BRINP2: variants seen among roughly 807,000 people sequenced by gnomAD.
BRINP2 encodes the protein BMP/retinoic acid-inducible neural-specific protein 2.
BRINP2 carries 21 observed loss-of-function variants against 69.2 expected under a neutral mutation model. The ratio of observed to expected loss-of-function variants is 0.30; its 90% confidence interval spans 0.22 to 0.44. The LOEUF (loss-of-function observed/expected upper bound fraction) is 0.44, where lower values mean the gene tolerates loss of function less well. BRINP2 is among the 20% of genes least tolerant of loss of function. The pLI is 1.00. For missense variants in BRINP2, 877 were observed against 986.0 expected (o/e 0.89, Z 1.48); for synonymous variants, 380 against 394.1 (o/e 0.96, Z 0.42).
intron 1 of BRINP2, among the ~76,000 whole-genome samples, chr1:177,198,123 A>G (rs1558155917): frequency 6.6e-6 from 1 of 152,208 alleles, no homozygotes; most frequent in Non-Finnish European, 1.5e-5. Context: ...CTAAGGTCAT[A>G]AAAGTTTGAG....
intron 1 of BRINP2, among the ~76,000 whole-genome samples, chr1:177,204,294 C>T (rs944378771): frequency 1.3e-5 from 2 of 151,956 alleles, no homozygotes; most frequent in Admixed American, 1.3e-4. Context: ...AGGAGAGGGC[C>T]TAGGGTGGAG....
intron 1 of BRINP2, among the ~76,000 whole-genome samples, chr1:177,209,517 G>A (rs1264502315): frequency 6.6e-6 from 1 of 152,194 alleles, no homozygotes; most frequent in Non-Finnish European, 1.5e-5. Context: ...CTGGCAGAGA[G>A]TCAAGAATGG....
intron 4 of BRINP2, among the ~76,000 whole-genome samples, chr1:177,270,077 A>C: frequency 2.0e-5 from 1 of 48,816 alleles, no homozygotes; most frequent in Admixed American, 2.1e-4. Flanking sequence ...CTTTGGGGCA[A>C]GGGGTGGGGG....
rs188708711 is a variant in BRINP2 at position 177,268,479 on chromosome 1, T to C, written c.670-5009T>C. On this transcript the variant is annotated intron_variant, in intron 4 of 7. Coordinates refer to ENST00000361539, the MANE Select transcript of BRINP2 (RefSeq NM_021165.4). Reference sequence around the variant, plus strand: ...GTTCCCCAGCATATCTGCCTGTTTCTTGTTCCCCTAAGCAGATGTACATTT... The same window carrying C: ...GTTCCCCAGCATATCTGCCTGTTTCCTGTTCCCCTAAGCAGATGTACATTT... Among the ~76,000 whole-genome samples the C allele has an allele frequency of 4.1e-3, 628 of 152,356 alleles. 3 individuals carry two copies. The highest frequency in any genetic ancestry group is 4.9e-3 in the Non-Finnish European group (335 of 68,032).
At chr1:177,176,901 AC>A (rs1314191777) in intron 1 of BRINP2, among the ~76,000 whole-genome samples, 3 of 152,146 alleles carry the variant, frequency 2.0e-5, no homozygotes, top group Non-Finnish European at 4.4e-5. Context: ...TTTTTGAATG[AC>A]AGTAGAAATA....
At chr1:177,236,275 G>A (rs1049374835) in intron 2 of BRINP2, among the ~76,000 whole-genome samples, 12 of 152,186 alleles carry the variant, frequency 7.9e-5, no homozygotes, top group South Asian at 2.1e-4. Flanking sequence ...TCTGGACGAC[G>A]AGCCCAGCAT....
chr1:177,240,404 T>A (rs1337897529), intron 2 of BRINP2, among the ~76,000 whole-genome samples: 1 of 152,334 alleles, frequency 6.6e-6, no homozygotes, highest in Middle Eastern at 3.4e-3. Context: ...ACATGCTGCA[T>A]ACATGGATTG....
At chr1:177,220,755 G>T (rs555236517) in intron 1 of BRINP2, among the ~76,000 whole-genome samples, 1 of 152,318 alleles carries the variant, frequency 6.6e-6, no homozygotes, top group African/African-American at 2.4e-5. Flanking sequence ...GGCTCAGTTG[G>T]GTTTGGGGAT....
chr1:177,211,977 TA>T (rs905309533), intron 1 of BRINP2, among the ~76,000 whole-genome samples: 3 of 152,208 alleles, frequency 2.0e-5, no homozygotes, highest in African/African-American at 7.2e-5. Context: ...ATATTATAAA[TA>T]AAAGGTTTCT....
chr1:177,233,343 C>CA (rs1649920301), intron 2 of BRINP2, among the ~76,000 whole-genome samples: 1 of 152,134 alleles, frequency 6.6e-6, no homozygotes, highest in Non-Finnish European at 1.5e-5. Context: ...TCTTGTTCCT[C>CA]AATTTTCCTA....
intron 1 of BRINP2, among the ~76,000 whole-genome samples, chr1:177,181,885 C>T (rs988665794): frequency 2.0e-5 from 3 of 152,202 alleles, no homozygotes; most frequent in African/African-American, 7.2e-5. Flanking sequence ...GTTACAAGCC[C>T]CCGGCCGCAG....
chr1:177,176,512 CATTATTATT>C (rs3041971), intron 1 of BRINP2, among the ~76,000 whole-genome samples: 6,867 of 143,104 alleles, frequency 0.048, 311 homozygotes, highest in African/African-American at 0.12. Flanking sequence ...AAGTGGCTGG[CATTATTATT>C]ATTATTATTA....
chr1:177,234,761 T>G (rs1042100654), intron 2 of BRINP2, among the ~76,000 whole-genome samples: 1 of 152,212 alleles, frequency 6.6e-6, no homozygotes, highest in African/African-American at 2.4e-5. Context: ...GGGGATACAT[T>G]AGAAGCCACA....
chr1:177,181,432 C>G (rs185875248), intron 1 of BRINP2, among the ~76,000 whole-genome samples: 1 of 152,206 alleles, frequency 6.6e-6, no homozygotes, highest in African/African-American at 2.4e-5. Flanking sequence ...GCCTGCCTGT[C>G]CCTCACTCCG....
At chr1:177,180,713 G>A (rs1648219949) in intron 1 of BRINP2, among the ~76,000 whole-genome samples, 1 of 152,080 alleles carries the variant, frequency 6.6e-6, no homozygotes, top group South Asian at 2.1e-4. Flanking sequence ...TCACCCACAA[G>A]TGTTCCCTAG....
chr1:177,261,652 T>C (rs898134139), intron 4 of BRINP2, among the ~76,000 whole-genome samples: 5 of 152,158 alleles, frequency 3.3e-5, no homozygotes, highest in Admixed American at 1.3e-4. Context: ...AAGGCCATGA[T>C]TGAAGATGGA....
intron 1 of BRINP2, among the ~76,000 whole-genome samples, chr1:177,197,109 G>A (rs1381709897): frequency 6.6e-6 from 1 of 152,072 alleles, no homozygotes; most frequent in Non-Finnish European, 1.5e-5. Context: ...AATTTATAAA[G>A]AAAAGAAGTT....
At chr1:177,178,581 G>A (rs1204229907) in intron 1 of BRINP2, among the ~76,000 whole-genome samples, 1 of 151,858 alleles carries the variant, frequency 6.6e-6, no homozygotes. Flanking sequence ...TGAAACTCTG[G>A]GACAGAATTA....
At chr1:177,190,129 T>C (rs1648544754) in intron 1 of BRINP2, among the ~76,000 whole-genome samples, 2 of 152,198 alleles carry the variant, frequency 1.3e-5, no homozygotes, top group African/African-American at 4.8e-5. Flanking sequence ...GACTCCAGAC[T>C]AGAATGATAG....
Sources: allele counts gnomAD v4.1 joint callset (sites outside exome capture counted in the v4.1 genomes callset), GRCh38; gene constraint gnomAD v4.1.1; transcripts MANE v1.5; gene names NCBI Gene and HGNC (gene_info 2026-07-23, HGNC 2026-07-21).